KDM4C: variants seen among roughly 807,000 people sequenced by gnomAD.
KDM4C encodes lysine demethylase 4C, also known as lysine-specific demethylase 4C.
KDM4C carries 81 observed loss-of-function variants against 129.3 expected under a neutral mutation model. The observed-to-expected ratio is 0.63, with a 90% CI of 0.52 to 0.75. KDM4C has a LOEUF of 0.75. Among genes scored for constraint, KDM4C ranks in the 30% least tolerant of loss-of-function variants. The pLI is 0.00. For missense variants in KDM4C, 1,457 were observed against 1,304.0 expected (o/e 1.12, Z -1.81); for synonymous variants, 573 against 456.1 (o/e 1.26, Z -3.26).
intron 13 of KDM4C, among the ~76,000 whole-genome samples, chr9:7,012,458 A>G (rs1008581283): frequency 6.6e-6 from 1 of 152,166 alleles, no homozygotes; most frequent in African/African-American, 2.4e-5. Flanking sequence ...CAAAGAGAGA[A>G]CTTAAACTTA....
chr9:6,966,210 T>C (rs1375668067), intron 8 of KDM4C, among the ~76,000 whole-genome samples: 1 of 151,806 alleles, frequency 6.6e-6, no homozygotes, highest in Non-Finnish European at 1.5e-5. Flanking sequence ...TTAGACGGAG[T>C]CTCGCTCTGT....
intron 17 of KDM4C, chr9:7,076,691 T>C: frequency 7.9e-7 from 1 of 1,259,164 alleles, no homozygotes; most frequent in Non-Finnish European, 1.0e-6. Context: ...CCTTTGTGTT[T>C]AATTTTTTTA....
intron 8 of KDM4C, among the ~76,000 whole-genome samples, chr9:6,971,152 T>C (rs1223171605): frequency 2.6e-5 from 4 of 152,252 alleles, no homozygotes. Context: ...AGTGATTTCT[T>C]ATTACACATA....
upstream of KDM4C, among the ~76,000 whole-genome samples, chr9:6,755,786 T>C (rs1184795593): frequency 6.6e-6 from 1 of 152,284 alleles, no homozygotes; most frequent in East Asian, 1.9e-4. Flanking sequence ...TTTGATACAT[T>C]AGGGACACAA....
At chr9:6,892,631 C>CA (rs1461028446) in intron 7 of KDM4C, among the ~76,000 whole-genome samples, 2 of 152,046 alleles carry the variant, frequency 1.3e-5, no homozygotes, top group African/African-American at 4.8e-5. Context: ...TGAATATCAC[C>CA]AACTCTTTAC....
chr9:6,729,894 G>A lies in KDM4C; in HGVS notation c.49+8897G>A, dbSNP rs1304821672. On this transcript the variant is annotated intron_variant, in intron 1 of 17. Transcript: ENST00000536108. Reference sequence around the variant, plus strand: ...GGAGGGAGAGGCGGGCGGATCACCTGAGGTCAGGAGTTCAAGACCAGCCTG... The same window carrying A: ...GGAGGGAGAGGCGGGCGGATCACCTAAGGTCAGGAGTTCAAGACCAGCCTG... 4.5e-5 allele frequency among the ~76,000 whole-genome samples: 6 copies of A among 133,898 alleles called. 1 individual carries two copies. Among genetic ancestry groups the A allele is most frequent in the Non-Finnish European group, 9.2e-5 (6 of 65,342 alleles). 87.8% of individuals were successfully genotyped at this position (133,898 alleles called of 152,430 possible).
chr9:6,887,664 G>A (rs1845502163), intron 6 of KDM4C, among the ~76,000 whole-genome samples: 1 of 152,060 alleles, frequency 6.6e-6, no homozygotes, highest in Non-Finnish European at 1.5e-5. Flanking sequence ...ATAATAGATT[G>A]AATCCACATT....
At chr9:7,136,985 GATTT>G (rs1237327083) in intron 19 of KDM4C, among the ~76,000 whole-genome samples, 2 of 152,182 alleles carry the variant, frequency 1.3e-5, no homozygotes, top group Non-Finnish European at 2.9e-5. Flanking sequence ...TTTCTTGTGA[GATTT>G]ATTTATTTTT....
chr9:6,795,267 T>A (rs1827504326), intron 2 of KDM4C, among the ~76,000 whole-genome samples: 1 of 152,218 alleles, frequency 6.6e-6, no homozygotes, highest in African/African-American at 2.4e-5. Flanking sequence ...TGTAACCCAC[T>A]ACTTTACTGT....
chr9:7,138,563 C>T (rs138170148), intron 19 of KDM4C, among the ~76,000 whole-genome samples: 11 of 152,172 alleles, frequency 7.2e-5, no homozygotes, highest in African/African-American at 2.4e-4. Flanking sequence ...ACCTGAAATC[C>T]CAGCGCTTTG....
intron 5 of KDM4C, among the ~76,000 whole-genome samples, chr9:6,863,601 C>T (rs1841376723): frequency 6.6e-6 from 1 of 151,888 alleles, no homozygotes; most frequent in East Asian, 1.9e-4. Context: ...TCGAGACCAT[C>T]CTGGCTAACA....
chr9:6,986,707 G>A (rs764024787), intron 11 of KDM4C, 41 bp downstream of exon 11: 2 of 1,420,592 alleles, frequency 1.4e-6, no homozygotes, highest in South Asian at 2.7e-5. Context: ...TCATTATATG[G>A]TGAGAGCACA....
At chr9:6,962,695 T>G (rs10815491) in intron 8 of KDM4C, among the ~76,000 whole-genome samples, 50,380 of 152,030 alleles carry the variant, frequency 0.33, 9,109 homozygotes, top group East Asian at 0.64. Context: ...GTCACAACCC[T>G]GACTCAGATT....
At chr9:6,977,697 C>G (rs1488562177) in intron 8 of KDM4C, among the ~76,000 whole-genome samples, 2 of 152,002 alleles carry the variant, frequency 1.3e-5, no homozygotes, top group African/African-American at 4.8e-5. Context: ...GTTGTTTGCT[C>G]TAGATGTGAA....
At chr9:7,056,524 T>G (rs1187085217) in intron 17 of KDM4C, among the ~76,000 whole-genome samples, 1 of 152,218 alleles carries the variant, frequency 6.6e-6, no homozygotes, top group African/African-American at 2.4e-5. Flanking sequence ...AATAATATAC[T>G]TTCTGAAGGC....
chr9:6,737,578 C>T (rs62566530), intron 1 of KDM4C, among the ~76,000 whole-genome samples: 2,393 of 147,800 alleles, frequency 0.016, 31 homozygotes, highest in Non-Finnish European at 0.024. Flanking sequence ...GCAGGAGAAT[C>T]GCTTGAACCC....
chr9:6,830,813 T>C (rs1330202385), intron 4 of KDM4C, among the ~76,000 whole-genome samples: 2 of 152,190 alleles, frequency 1.3e-5, no homozygotes, highest in Non-Finnish European at 2.9e-5. Flanking sequence ...CCCTCTGCCA[T>C]GTGTTATGAG....
At chr9:6,911,818 G>A (rs1032648518) in intron 8 of KDM4C, among the ~76,000 whole-genome samples, 2 of 152,198 alleles carry the variant, frequency 1.3e-5, no homozygotes, top group Non-Finnish European at 2.9e-5. Context: ...ATGGGAGGAG[G>A]CTGGTGCTGG....
intron 17 of KDM4C, among the ~76,000 whole-genome samples, chr9:7,102,488 G>C (rs1223289254): frequency 1.3e-5 from 2 of 151,912 alleles, no homozygotes; most frequent in African/African-American, 4.8e-5. Context: ...ATACACATTG[G>C]GAATCCATTA....
Sources: allele counts gnomAD v4.1 joint callset (sites outside exome capture counted in the v4.1 genomes callset), GRCh38; gene constraint gnomAD v4.1.1; transcripts MANE v1.5; gene names NCBI Gene and HGNC (gene_info 2026-07-23, HGNC 2026-07-21).